Variants in PRKCH observed in about 807,000 individuals in gnomAD.
PRKCH encodes protein kinase C eta type.
A neutral mutation model predicts 82.5 loss-of-function variants in PRKCH; 28 were observed. The observed-to-expected ratio is 0.34, with a 90% CI of 0.25 to 0.47. PRKCH has a LOEUF of 0.47. Ranked by LOEUF, PRKCH falls within the 20% of genes least tolerant of loss-of-function variation. The pLI is 1.00. For missense variants in PRKCH, 705 were observed against 881.8 expected (o/e 0.80, Z 2.54); for synonymous variants, 322 against 327.4 (o/e 0.98, Z 0.18).
In PRKCH at chr14:61,470,639, A is replaced by G. The variant is rs1475992097; in HGVS notation, c.1278+12960A>G. Among the ~76,000 whole-genome samples, 4 of 152,036 alleles carry G rather than the reference A, an allele frequency of 2.6e-5. No homozygotes were observed. The East Asian group carries it at 7.7e-4, about 29-fold the overall frequency. On this transcript the variant is annotated intron_variant, in intron 9 of 13. Transcript: ENST00000332981. ...TGGGAGGCTTCCAATTCTTAGTTAT[A>G]GCAAAAGAGCCTGTATTTTTTAGCT... is the stretch of plus-strand genomic sequence containing the variant.
chr14:61,271,221 G>C (rs897634833), intron 1 of PRKCH, among the ~76,000 whole-genome samples: 1 of 152,080 alleles, frequency 6.6e-6, no homozygotes, highest in Admixed American at 6.5e-5. Context: ...CTCTCTCCCA[G>C]GGATAACCAC....
At chr14:61,432,662 A>G (rs1883463708) in intron 2 of PRKCH, among the ~76,000 whole-genome samples, 3 of 152,016 alleles carry the variant, frequency 2.0e-5, no homozygotes. Flanking sequence ...GGGATCATGG[A>G]CTCTTAAGAG....
upstream of PRKCH, among the ~76,000 whole-genome samples, chr14:61,319,459 A>G (rs747372061): frequency 3.0e-4 from 45 of 152,154 alleles, no homozygotes; most frequent in Admixed American, 1.0e-3. Flanking sequence ...ACCATTGCCA[A>G]TCCTGATAGG....
intron 1 of PRKCH, chr14:61,281,026 C>T: frequency 6.5e-7 from 1 of 1,533,612 alleles, no homozygotes. Flanking sequence ...CAGGCCCGCG[C>T]AGAAGAAGAG....
chr14:61,314,663 C>G (rs555506315), intron 1 of PRKCH, among the ~76,000 whole-genome samples: 1 of 152,190 alleles, frequency 6.6e-6, no homozygotes, highest in Non-Finnish European at 1.5e-5. Flanking sequence ...AAATAGTCAT[C>G]GAAGGCTCTT....
intron 1 of PRKCH, among the ~76,000 whole-genome samples, chr14:61,203,381 A>G (rs544489740): frequency 1.3e-4 from 20 of 152,316 alleles, no homozygotes; most frequent in African/African-American, 4.6e-4. Flanking sequence ...CAGAAGCCCC[A>G]AAGTGCTGGG....
At chr14:61,299,511 G>A (rs1419134068) in intron 1 of PRKCH, among the ~76,000 whole-genome samples, 1 of 152,134 alleles carries the variant, frequency 6.6e-6, no homozygotes, top group Non-Finnish European at 1.5e-5. Flanking sequence ...TTCCCCTGGG[G>A]CCACCTGTGA....
chr14:61,522,297 C>G (rs144851337), intron 10 of PRKCH, among the ~76,000 whole-genome samples: 2 of 152,126 alleles, frequency 1.3e-5, no homozygotes, highest in Non-Finnish European at 2.9e-5. Flanking sequence ...TGTTCATTCT[C>G]AACTCCTCTG....
At chr14:61,415,889 T>C (rs1235632191) in intron 2 of PRKCH, among the ~76,000 whole-genome samples, 1 of 152,142 alleles carries the variant, frequency 6.6e-6, no homozygotes, top group East Asian at 1.9e-4. Context: ...TTTCTGTCTC[T>C]ATAGATTTGA....
chr14:61,541,823 T>C (rs1334201744), intron 12 of PRKCH, among the ~76,000 whole-genome samples: 1 of 152,228 alleles, frequency 6.6e-6, no homozygotes, highest in Admixed American at 6.5e-5. Flanking sequence ...TTAAACTCTA[T>C]AATCTGGAAC....
intron 1 of PRKCH, among the ~76,000 whole-genome samples, chr14:61,389,151 G>T (rs903899505): frequency 6.6e-6 from 1 of 152,314 alleles, no homozygotes; most frequent in African/African-American, 2.4e-5. Flanking sequence ...CAAGGCGGGC[G>T]GATTGCCTGG....
intron 1 of PRKCH, among the ~76,000 whole-genome samples, chr14:61,359,754 A>G (rs2046198706): frequency 6.6e-6 from 1 of 152,250 alleles, no homozygotes; most frequent in Non-Finnish European, 1.5e-5. Flanking sequence ...GCCACTAGCC[A>G]TATGTGGCTA....
At chr14:61,210,115 T>C (rs1461685966) in intron 1 of PRKCH, among the ~76,000 whole-genome samples, 1 of 12,176 alleles carries the variant, frequency 8.2e-5, no homozygotes, top group Admixed American at 9.4e-4. Flanking sequence ...CAAACAAATA[T>C]ATATATATAT....
intron 1 of PRKCH, among the ~76,000 whole-genome samples, chr14:61,325,012 T>G (rs891724979): frequency 2.0e-5 from 3 of 152,210 alleles, no homozygotes; most frequent in Non-Finnish European, 2.9e-5. Flanking sequence ...AGGTTATGGA[T>G]GAGAGGATTC....
At chr14:61,538,316 A>T (rs2043139185) in intron 12 of PRKCH, among the ~76,000 whole-genome samples, 1 of 152,162 alleles carries the variant, frequency 6.6e-6, no homozygotes, top group Non-Finnish European at 1.5e-5. Context: ...TCTTACCAAA[A>T]CCCCTAGTGA....
chr14:61,479,015 G>A (rs1885850377), intron 9 of PRKCH, among the ~76,000 whole-genome samples: 2 of 152,178 alleles, frequency 1.3e-5, no homozygotes, highest in Admixed American at 6.5e-5. Context: ...TGCAACCCAA[G>A]GGCAGGAGTT....
intron 1 of PRKCH, among the ~76,000 whole-genome samples, chr14:61,386,687 A>T (rs908219724): frequency 6.6e-6 from 1 of 152,220 alleles, no homozygotes; most frequent in African/African-American, 2.4e-5. Flanking sequence ...ATGAAGACAG[A>T]CACATCTTTG....
At chr14:61,491,005 C>A (rs1275493566) in intron 10 of PRKCH, among the ~76,000 whole-genome samples, 1 of 152,142 alleles carries the variant, frequency 6.6e-6, no homozygotes, top group East Asian at 1.9e-4. Flanking sequence ...CTCTCTCTCT[C>A]CCTGCAGTTC....
At chr14:61,223,915 A>C (rs1182575834) in intron 1 of PRKCH, among the ~76,000 whole-genome samples, 1 of 152,172 alleles carries the variant, frequency 6.6e-6, no homozygotes, top group Non-Finnish European at 1.5e-5. Flanking sequence ...TATGCTAGCT[A>C]TATTTTTTAA....
Sources: allele counts gnomAD v4.1 joint callset (sites outside exome capture counted in the v4.1 genomes callset), GRCh38; gene constraint gnomAD v4.1.1; transcripts MANE v1.5; gene names NCBI Gene and HGNC (gene_info 2026-07-23, HGNC 2026-07-21).